PTPRT: variants seen among roughly 807,000 people sequenced by gnomAD.
PTPRT encodes the protein protein tyrosine phosphatase receptor type T.
A neutral mutation model predicts 176.8 loss-of-function variants in PTPRT; 56 were observed. The observed-to-expected ratio is 0.32, with a 90% confidence interval of 0.26 to 0.40. The LOEUF (loss-of-function observed/expected upper bound fraction) is 0.40, where lower values mean the gene tolerates loss of function less well. Ranked by LOEUF, PTPRT falls within the 10% of genes least tolerant of loss-of-function variation. The pLI is 1.00. For synonymous variants in PTPRT, 783 were observed against 739.0 expected (o/e 1.06, Z -0.96); for missense variants, 1,540 against 1,908.2 (o/e 0.81, Z 3.60).
intron 9 of PTPRT, among the ~76,000 whole-genome samples, chr20:42,412,006 G>C (rs1340724485): frequency 6.6e-6 from 1 of 152,130 alleles, no homozygotes; most frequent in African/African-American, 2.4e-5. Flanking sequence ...ACCTTTGTTA[G>C]GCCAAGAACT....
At chr20:42,553,675 C>G (rs190727544) in intron 7 of PTPRT, among the ~76,000 whole-genome samples, 5 of 152,196 alleles carry the variant, frequency 3.3e-5, no homozygotes, top group Admixed American at 3.3e-4. Context: ...TTACACACAC[C>G]TTTTTATTTT....
At chr20:43,030,526 T>C (rs1023618010) in intron 1 of PTPRT, among the ~76,000 whole-genome samples, 1 of 150,360 alleles carries the variant, frequency 6.7e-6, no homozygotes, top group African/African-American at 2.4e-5. Context: ...AAAAATGGCA[T>C]AAGCCATGTT....
intron 7 of PTPRT, among the ~76,000 whole-genome samples, chr20:42,610,685 C>T (rs755899287): frequency 6.6e-6 from 1 of 152,124 alleles, no homozygotes; most frequent in Non-Finnish European, 1.5e-5. Flanking sequence ...GGATAACACC[C>T]TTTGTGAGAT....
At chr20:42,210,325 G>A (rs972502032) in intron 15 of PTPRT, among the ~76,000 whole-genome samples, 3 of 152,002 alleles carry the variant, frequency 2.0e-5, no homozygotes, top group African/African-American at 7.3e-5. Flanking sequence ...AGGAAATAAA[G>A]GGTATTCAAT....
chr20:42,063,668 A>C, the PTPRT span: 1 of 152,110 alleles, frequency 6.6e-6, no homozygotes, highest in Non-Finnish European at 1.5e-5. Flanking sequence ...AGCATTTGTT[A>C]ACCTTGTTTT....
At chr20:42,176,618 G>A (rs1164691782) in intron 16 of PTPRT, among the ~76,000 whole-genome samples, 3 of 152,172 alleles carry the variant, frequency 2.0e-5, no homozygotes, top group Non-Finnish European at 4.4e-5. Flanking sequence ...ACTAAGTAAT[G>A]CCTCACACTG....
At chr20:42,511,367 T>G (rs956263097) in intron 7 of PTPRT, among the ~76,000 whole-genome samples, 3 of 151,962 alleles carry the variant, frequency 2.0e-5, no homozygotes, top group Non-Finnish European at 4.4e-5. Context: ...GCAGTAACAG[T>G]GGGAAGTCTA....
chr20:43,107,927 G>T (rs2012688630), intron 1 of PTPRT, among the ~76,000 whole-genome samples: 1 of 152,210 alleles, frequency 6.6e-6, no homozygotes, highest in Non-Finnish European at 1.5e-5. Context: ...TTCCGTGTAG[G>T]GAATCATTCC....
chr20:42,320,595 G>A (rs1217375391), intron 11 of PTPRT, among the ~76,000 whole-genome samples: 2 of 152,136 alleles, frequency 1.3e-5, no homozygotes, highest in Non-Finnish European at 2.9e-5. Flanking sequence ...CAGACCCTGA[G>A]CCAAAGTTTC....
At chr20:42,514,860 G>A (rs998901950) in intron 7 of PTPRT, among the ~76,000 whole-genome samples, 1 of 152,102 alleles carries the variant, frequency 6.6e-6, no homozygotes, top group African/African-American at 2.4e-5. Context: ...ATATGTATAG[G>A]CCTATTTCTG....
intron 3 of PTPRT, among the ~76,000 whole-genome samples, chr20:42,788,861 T>C (rs2077331826): frequency 6.6e-6 from 1 of 152,172 alleles, no homozygotes; most frequent in Non-Finnish European, 1.5e-5. Context: ...GCTAAGCCTT[T>C]CAAGAACTCT....
At chr20:42,962,405 A>T (rs1982037609) in intron 1 of PTPRT, among the ~76,000 whole-genome samples, 1 of 152,146 alleles carries the variant, frequency 6.6e-6, no homozygotes, top group Non-Finnish European at 1.5e-5. Flanking sequence ...AGAAATATGA[A>T]AGACAAAAGA....
chr20:42,905,629 G>A (rs532991334), intron 1 of PTPRT, among the ~76,000 whole-genome samples: 10 of 152,288 alleles, frequency 6.6e-5, no homozygotes, highest in African/African-American at 1.2e-4. Context: ...TATGTTTATT[G>A]TGGCACTATT....
intron 1 of PTPRT, among the ~76,000 whole-genome samples, chr20:43,173,196 A>G (rs2015046436): frequency 6.6e-6 from 1 of 152,150 alleles, no homozygotes; most frequent in Admixed American, 6.5e-5. Flanking sequence ...CTGATTCCAT[A>G]AGGAAGGAAG....
chr20:42,658,224 A>T (rs899947277), intron 7 of PTPRT, among the ~76,000 whole-genome samples: 2 of 152,212 alleles, frequency 1.3e-5, no homozygotes, highest in Non-Finnish European at 2.9e-5. Context: ...GTTTATGTAC[A>T]TAACCTTGTT....
In PTPRT at chr20:42,759,647, G is replaced by T. The variant is rs1056307036; in HGVS notation, c.685-3011C>A. Among the ~76,000 whole-genome samples, 9 of 152,346 alleles carry T rather than the reference G, an allele frequency of 5.9e-5. No homozygotes were observed. In the South Asian group the frequency reaches 1.9e-3, roughly 32 times the overall value. ...CAGAAGTCCAGGAAAAATTCCGTCA[G>T]ATAAGGCCCTTATCTACCACTTGGC... is the stretch of plus-strand genomic sequence containing the variant. On this transcript the variant is annotated intron_variant, in intron 5 of 30. Coordinates refer to ENST00000373187, the MANE Select transcript of PTPRT (RefSeq NM_007050.6).
At chr20:42,435,178 G>A (rs945163245) in intron 9 of PTPRT, among the ~76,000 whole-genome samples, 4 of 152,104 alleles carry the variant, frequency 2.6e-5, no homozygotes, top group African/African-American at 9.7e-5. Flanking sequence ...ATACTTGCTT[G>A]TACATGTGTA....
chr20:42,582,042 A>G (rs1221475025), intron 7 of PTPRT, among the ~76,000 whole-genome samples: 4 of 152,234 alleles, frequency 2.6e-5, no homozygotes, highest in African/African-American at 9.6e-5. Flanking sequence ...CAGTGAAACC[A>G]GCACTCCAGG....
At chr20:42,919,803 T>C (rs190137052) in intron 1 of PTPRT, among the ~76,000 whole-genome samples, 72 of 152,354 alleles carry the variant, frequency 4.7e-4, no homozygotes, top group African/African-American at 1.4e-3. Context: ...GTTCCTTTTG[T>C]TCATTCTTTT....
Sources: allele counts gnomAD v4.1 joint callset (sites outside exome capture counted in the v4.1 genomes callset), GRCh38; gene constraint gnomAD v4.1.1; transcripts MANE v1.5; gene names NCBI Gene and HGNC (gene_info 2026-07-23, HGNC 2026-07-21).